The following SLC26A7 variants were observed in gnomAD, a reference collection of about 807,000 sequenced individuals.
SLC26A7 encodes the protein solute carrier family 26 member 7, also known as anion exchange transporter.
SLC26A7 carries 59 observed loss-of-function variants against 82.5 expected under a neutral mutation model. The observed-to-expected ratio is 0.72, with a 90% confidence interval of 0.58 to 0.89. The LOEUF (loss-of-function observed/expected upper bound fraction) is 0.89, where lower values mean the gene tolerates loss of function less well. Among genes scored for constraint, SLC26A7 ranks in the 40% least tolerant of loss-of-function variants. SLC26A7 has a pLI of 0.00. For missense variants in SLC26A7, 820 were observed against 793.0 expected, an observed-to-expected ratio of 1.03 and a Z score of -0.41; for synonymous variants, 271 against 274.3, an observed-to-expected ratio of 0.99 and a Z score of 0.12.
chr8:91,213,099 A>C, intron 1 of SLC26A7, among the ~76,000 whole-genome samples: 1 of 152,104 alleles, frequency 6.6e-6, no homozygotes, highest in Non-Finnish European at 1.5e-5. Context: ...GTGTATCATC[A>C]AAATGTTGAA....
chr8:91,214,135 G>A (rs1809992771), intron 1 of SLC26A7, among the ~76,000 whole-genome samples: 2 of 152,096 alleles, frequency 1.3e-5, no homozygotes, highest in Admixed American at 1.3e-4. Context: ...TTCCTACTGT[G>A]GGTGTAAGGT....
chr8:91,347,265 A>G (rs1453610204), intron 9 of SLC26A7, among the ~76,000 whole-genome samples: 4 of 152,322 alleles, frequency 2.6e-5, no homozygotes, highest in Admixed American at 2.6e-4. Flanking sequence ...TTTACAGAAA[A>G]TCCCATTTAA....
At chr8:91,359,184 G>A (rs896795279) in intron 11 of SLC26A7, among the ~76,000 whole-genome samples, 1 of 152,160 alleles carries the variant, frequency 6.6e-6, no homozygotes, top group Non-Finnish European at 1.5e-5. Context: ...AAAGAGTTGA[G>A]GAAAGGAACA....
intron 5 of SLC26A7, among the ~76,000 whole-genome samples, chr8:91,328,029 G>A (rs576471284): frequency 3.9e-4 from 60 of 152,164 alleles, no homozygotes; most frequent in African/African-American, 1.3e-3. Flanking sequence ...CCAGAATGCA[G>A]AGGAAAGTAA....
rs185754311 is a variant in SLC26A7 at position 91,295,751 on chromosome 8, A to T, written c.477+48A>T. The T allele has an allele frequency of 2.6e-6, 4 of 1,540,800 alleles. No individual in the cohort carries two copies. The East Asian group carries it at 9.1e-5, about 35-fold the overall frequency. On this transcript the variant is annotated intron_variant, in intron 4 of 18. Coordinates refer to ENST00000276609, the MANE Select transcript of SLC26A7 (RefSeq NM_052832.4). ...CACAAAGAAAGGGACACAGCGGCACAGGGAAGGCAGCTGGTGTTTTATTTT... is the reference window on the plus strand; with the variant it reads ...CACAAAGAAAGGGACACAGCGGCACTGGGAAGGCAGCTGGTGTTTTATTTT...
chr8:91,276,543 C>T (rs1811412187), intron 2 of SLC26A7, among the ~76,000 whole-genome samples: 1 of 152,164 alleles, frequency 6.6e-6, no homozygotes, highest in African/African-American at 2.4e-5. Context: ...AAATCAAGCC[C>T]CCTTGTAGCC....
chr8:91,322,429 T>C (rs142828032), intron 5 of SLC26A7, among the ~76,000 whole-genome samples: 1 of 152,188 alleles, frequency 6.6e-6, no homozygotes, highest in Admixed American at 6.5e-5. Flanking sequence ...TAAATTGTTC[T>C]ATTCTTGGCT....
chr8:91,265,768 C>T (rs981971541), intron 2 of SLC26A7, among the ~76,000 whole-genome samples: 5 of 151,582 alleles, frequency 3.3e-5, no homozygotes, highest in African/African-American at 4.8e-5. Context: ...TGTGTGTGTG[C>T]GCACGCGCCT....
intron 4 of SLC26A7, among the ~76,000 whole-genome samples, chr8:91,299,471 G>C (rs1015258501): frequency 1.3e-5 from 2 of 151,804 alleles, no homozygotes; most frequent in Non-Finnish European, 1.5e-5. Flanking sequence ...GTTTATGCTT[G>C]TGAGTGGTGT....
chr8:91,266,639 G>A (rs1811121438), intron 2 of SLC26A7, among the ~76,000 whole-genome samples: 1 of 151,784 alleles, frequency 6.6e-6, no homozygotes, highest in African/African-American at 2.4e-5. Context: ...ACAATTTTGT[G>A]GTGGAGACTT....
chr8:91,300,460 C>T (rs374990669), intron 4 of SLC26A7, among the ~76,000 whole-genome samples: 1 of 150,988 alleles, frequency 6.6e-6, no homozygotes, highest in African/African-American at 2.4e-5. Context: ...TGCAGGGGCG[C>T]GATCTCGGCT....
chr8:91,263,805 T>A (rs192169176), intron 2 of SLC26A7, among the ~76,000 whole-genome samples: 2 of 152,006 alleles, frequency 1.3e-5, no homozygotes, highest in Non-Finnish European at 2.9e-5. Flanking sequence ...TTACTCTGGG[T>A]TTTTCATGTT....
intron 5 of SLC26A7, among the ~76,000 whole-genome samples, chr8:91,325,189 G>A (rs1185918393): frequency 6.6e-6 from 1 of 152,084 alleles, no homozygotes; most frequent in East Asian, 1.9e-4. Context: ...ACCTCTCCAA[G>A]TCTTATTTTC....
At chr8:91,214,822 T>A (rs1810009421) in intron 1 of SLC26A7, among the ~76,000 whole-genome samples, 1 of 151,798 alleles carries the variant, frequency 6.6e-6, no homozygotes, top group South Asian at 2.1e-4. Flanking sequence ...TTTTTTTTTT[T>A]ACAGTCAAGT....
chr8:91,281,191 T>C (rs1811562002), intron 2 of SLC26A7, among the ~76,000 whole-genome samples: 3 of 152,194 alleles, frequency 2.0e-5, no homozygotes, highest in Admixed American at 2.0e-4. Context: ...CAAAGATATA[T>C]AAAAAAACAC....
At chr8:91,318,190 A>G (rs1283685457) in intron 4 of SLC26A7, 26 bp from the exon 5 acceptor site, 6 of 1,561,644 alleles carry the variant, frequency 3.8e-6, no homozygotes, top group African/African-American at 1.4e-5. Context: ...TCTGAAGTTC[A>G]TCTCACTTCT....
At chr8:91,274,927 A>G (rs1811367328) in intron 2 of SLC26A7, among the ~76,000 whole-genome samples, 1 of 152,228 alleles carries the variant, frequency 6.6e-6, no homozygotes, top group Admixed American at 6.5e-5. Context: ...GCAGTCTCTT[A>G]CCTCAAATTT....
intron 9 of SLC26A7, among the ~76,000 whole-genome samples, chr8:91,346,464 A>T (rs1384110233): frequency 6.6e-6 from 1 of 152,170 alleles, no homozygotes; most frequent in Non-Finnish European, 1.5e-5. Flanking sequence ...AATGGCTCTG[A>T]TTCTCTTAGG....
intron 9 of SLC26A7, among the ~76,000 whole-genome samples, chr8:91,351,550 G>T (rs935756751): frequency 6.6e-6 from 1 of 152,092 alleles, no homozygotes; most frequent in Non-Finnish European, 1.5e-5. Flanking sequence ...AGTTGATGGT[G>T]TCCTGTTTCT....
Sources: gnomAD v4.1 joint callset for allele counts (sites outside exome capture counted in the v4.1 genomes callset) on GRCh38, gnomAD v4.1.1 for gene constraint, MANE v1.5 for transcripts, NCBI Gene and HGNC (gene_info 2026-07-23, HGNC 2026-07-21) for gene names.